WWOX: variants seen among roughly 807,000 people sequenced by gnomAD.
The protein encoded by WWOX is WW domain containing oxidoreductase, also known as WW domain-containing oxidoreductase.
Under a neutral mutation model 46.2 loss-of-function variants are expected in WWOX, and 69 were observed. The observed-to-expected ratio is 1.49, with a 90% CI of 1.23 to 1.82. The LOEUF is 1.82. Among genes scored for constraint, WWOX ranks in the 40% most tolerant of loss-of-function variants. The pLI, the probability that WWOX is intolerant of heterozygous loss-of-function variation, is 0.00. For synonymous variants in WWOX, 359 were observed against 202.6 expected (o/e 1.77, Z -6.56); for missense variants, 919 against 542.6 (o/e 1.69, Z -6.89).
chr16:78,736,465 C>G (rs994554925), intron 8 of WWOX, among the ~76,000 whole-genome samples: 6 of 152,192 alleles, frequency 3.9e-5, no homozygotes, highest in African/African-American at 1.4e-4. Context: ...CCTTTGCTCT[C>G]TCCTGACCAC....
chr16:78,733,885 C>G (rs1191878781), intron 8 of WWOX, among the ~76,000 whole-genome samples: 4 of 152,052 alleles, frequency 2.6e-5, no homozygotes, highest in Non-Finnish European at 5.9e-5. Flanking sequence ...GGACAACGTA[C>G]AGAGACCTCA....
intron 8 of WWOX, among the ~76,000 whole-genome samples, chr16:78,824,473 C>G (rs542109080): frequency 1.3e-5 from 2 of 152,216 alleles, no homozygotes; most frequent in African/African-American, 2.4e-5. Flanking sequence ...TGGGGAGAAA[C>G]AAGCAAAGTA....
chr16:78,570,925 A>T (rs1297921563), intron 8 of WWOX, among the ~76,000 whole-genome samples: 3 of 152,144 alleles, frequency 2.0e-5, no homozygotes, highest in South Asian at 4.1e-4. Flanking sequence ...TAGCCAGGGG[A>T]AAAGTGTTTT....
intron 8 of WWOX, among the ~76,000 whole-genome samples, chr16:78,855,311 G>A (rs2052541374): frequency 6.6e-6 from 1 of 152,116 alleles, no homozygotes; most frequent in South Asian, 2.1e-4. Flanking sequence ...TTAGCTTACT[G>A]AATGTTCTTA....
intron 8 of WWOX, among the ~76,000 whole-genome samples, chr16:78,922,714 A>G (rs1038121123): frequency 6.6e-6 from 1 of 152,114 alleles, no homozygotes; most frequent in Non-Finnish European, 1.5e-5. Flanking sequence ...AGGATTTTAT[A>G]AGAAAGGATT....
intron 8 of WWOX, among the ~76,000 whole-genome samples, chr16:79,147,171 C>G (rs2050197009): frequency 6.6e-6 from 1 of 152,236 alleles, no homozygotes; most frequent in East Asian, 1.9e-4. Flanking sequence ...TTCCTTTATA[C>G]ACAACTACAT....
At chr16:79,067,714 C>G (rs193105204) in intron 8 of WWOX, among the ~76,000 whole-genome samples, 241 of 152,236 alleles carry the variant, frequency 1.6e-3, no homozygotes, top group African/African-American at 5.7e-3. Context: ...AGAAGGTAAA[C>G]TCATCTGCAG....
chr16:79,158,195 G>C (rs1367112130), intron 8 of WWOX, among the ~76,000 whole-genome samples: 1 of 152,164 alleles, frequency 6.6e-6, no homozygotes, highest in East Asian at 1.9e-4. Flanking sequence ...CATAGATGAG[G>C]TGAGCAAAAA....
At chr16:79,023,850 G>T (rs2047584316) in intron 8 of WWOX, among the ~76,000 whole-genome samples, 1 of 152,024 alleles carries the variant, frequency 6.6e-6, no homozygotes, top group Admixed American at 6.6e-5. Flanking sequence ...CAGCTACTCG[G>T]GAGGCTGAGG....
At chr16:78,920,051 C>A (rs1487195007) in intron 8 of WWOX, among the ~76,000 whole-genome samples, 2 of 152,116 alleles carry the variant, frequency 1.3e-5, no homozygotes, top group East Asian at 3.9e-4. Context: ...AGGTTTGCCG[C>A]AGTAACAAAC....
intron 5 of WWOX, among the ~76,000 whole-genome samples, chr16:78,205,435 C>T (rs1040415376): frequency 2.6e-5 from 4 of 152,056 alleles, no homozygotes; most frequent in African/African-American, 9.7e-5. Context: ...CACACAACCA[C>T]TTATTCTTCA....
intron 8 of WWOX, among the ~76,000 whole-genome samples, chr16:78,975,371 G>T (rs1360060052): frequency 6.6e-6 from 1 of 152,056 alleles, no homozygotes; most frequent in Non-Finnish European, 1.5e-5. Context: ...TACATGAACA[G>T]GGCAGACCCT....
chr16:79,061,573 T>A (rs1376630520), intron 8 of WWOX, among the ~76,000 whole-genome samples: 1 of 152,156 alleles, frequency 6.6e-6, no homozygotes, highest in Non-Finnish European at 1.5e-5. Context: ...AAAGTAACAC[T>A]CAGAGACACT....
rs114879360 is a variant in WWOX at position 78,843,582 on chromosome 16, C to T, written c.1057-368026C>T. ...CACTTCCTTGGCCAGAGCAGGGGTC[C>T]GGTGTAAAGGAGGAAATAAAAATAA... On this transcript the variant is annotated intron_variant, in intron 8 of 8. Coordinates refer to ENST00000566780, the MANE Select transcript of WWOX (RefSeq NM_016373.4). 8.1e-3 allele frequency among the ~76,000 whole-genome samples: 1,116 copies of T among 137,054 alleles called. 41 individuals carry two copies. The highest frequency in any genetic ancestry group is 0.026 in the African/African-American group (1,065 of 40,348). The allele number at this position is 137,054 out of a possible 152,430, so 89.9% of individuals were successfully genotyped here. A position where few individuals can be genotyped will look rare whatever the true frequency, so the allele number is the denominator to read the frequency against.
At chr16:78,467,521 G>C (rs951587077) in intron 8 of WWOX, among the ~76,000 whole-genome samples, 6 of 152,094 alleles carry the variant, frequency 3.9e-5, no homozygotes, top group Non-Finnish European at 7.4e-5. Flanking sequence ...CTTCAAAAAA[G>C]ACTTTTTAGT....
intron 8 of WWOX, among the ~76,000 whole-genome samples, chr16:78,557,325 C>T (rs917577592): frequency 7.2e-5 from 11 of 152,132 alleles, no homozygotes; most frequent in African/African-American, 2.4e-4. Flanking sequence ...AAAACCAATA[C>T]CAACTTCAGT....
chr16:78,234,534 T>C (rs1245732803), intron 5 of WWOX, among the ~76,000 whole-genome samples: 2 of 152,312 alleles, frequency 1.3e-5, no homozygotes, highest in East Asian at 3.9e-4. Context: ...CCTTTTAGTT[T>C]TCAAAGCATC....
At chr16:78,928,977 A>G (rs943730219) in intron 8 of WWOX, among the ~76,000 whole-genome samples, 1 of 152,244 alleles carries the variant, frequency 6.6e-6, no homozygotes, top group African/African-American at 2.4e-5. Context: ...GTATGCATGC[A>G]TATAAATGTA....
intron 8 of WWOX, among the ~76,000 whole-genome samples, chr16:78,873,861 T>C (rs1357003786): frequency 1.3e-5 from 2 of 152,166 alleles, no homozygotes; most frequent in Non-Finnish European, 2.9e-5. Flanking sequence ...ATGTGCTTAG[T>C]CCCTGGGAGT....
Sources: gnomAD v4.1 joint callset for allele counts (sites outside exome capture counted in the v4.1 genomes callset) on GRCh38, gnomAD v4.1.1 for gene constraint, MANE v1.5 for transcripts, NCBI Gene and HGNC (gene_info 2026-07-23, HGNC 2026-07-21) for gene names.